OCIAD2: variants seen among roughly 807,000 people sequenced by gnomAD.
The protein encoded by OCIAD2 is OCIA domain containing 2, also known as OCIA domain-containing protein 2.
A neutral mutation model predicts 22.9 loss-of-function variants in OCIAD2; 29 were observed. The ratio of observed to expected loss-of-function variants is 1.27; its 90% CI spans 0.94 to 1.73. OCIAD2 has a LOEUF of 1.73. Among genes scored for constraint, OCIAD2 ranks in the 40% most tolerant of loss-of-function variants. OCIAD2 has a pLI of 0.00. For synonymous variants in OCIAD2, 67 were observed against 60.2 expected, an observed-to-expected ratio of 1.11 and a Z score of -0.52; for missense variants, 189 against 180.3, an observed-to-expected ratio of 1.05 and a Z score of -0.28.
intron 2 of OCIAD2, among the ~76,000 whole-genome samples, chr4:48,903,547 G>T (rs758168835): frequency 6.6e-6 from 1 of 151,404 alleles, no homozygotes; most frequent in Admixed American, 6.6e-5. Flanking sequence ...TAAGAGTTTT[G>T]CTCTGCTATC....
chr4:48,892,638 C>T (rs141859735), intron 6 of OCIAD2, 134 bp downstream of exon 6: 63 of 505,482 alleles, frequency 1.2e-4, no homozygotes, highest in African/African-American at 1.1e-3. Flanking sequence ...GTAACAACAA[C>T]GCTAAACTTG....
chr4:48,896,725 A>G (rs1781310035), intron 4 of OCIAD2, among the ~76,000 whole-genome samples: 1 of 152,114 alleles, frequency 6.6e-6, no homozygotes, highest in South Asian at 2.1e-4. Flanking sequence ...CTTGAGCCCA[A>G]CAGTTTGAGG....
chr4:48,887,167 T>G (rs1396280822), intron 6 of OCIAD2, among the ~76,000 whole-genome samples: 2 of 152,226 alleles, frequency 1.3e-5, no homozygotes, highest in African/African-American at 4.8e-5. Context: ...TCATATCCTT[T>G]GCCCACTTGT....
At chr4:48,904,126 A>G (rs939903824) in intron 2 of OCIAD2, among the ~76,000 whole-genome samples, 1 of 152,036 alleles carries the variant, frequency 6.6e-6, no homozygotes, top group Non-Finnish European at 1.5e-5. Flanking sequence ...ATCCTATGAT[A>G]TATATTTTTT....
chr4:48,890,068 G>A (rs1349612320), intron 6 of OCIAD2, among the ~76,000 whole-genome samples: 2 of 138,838 alleles, frequency 1.4e-5, no homozygotes, highest in African/African-American at 2.6e-5. Flanking sequence ...AGAACACTTG[G>A]ACACAGGAAG....
At chr4:48,903,319 T>C (rs1369248641) in intron 2 of OCIAD2, among the ~76,000 whole-genome samples, 1 of 152,110 alleles carries the variant, frequency 6.6e-6, no homozygotes, top group Non-Finnish European at 1.5e-5. Flanking sequence ...GTCAGCAGCA[T>C]AGGATTAGTG....
rs925929419 is a variant in OCIAD2, at chr4:48,894,785, C to T, written c.218-732G>A. On this transcript the variant is annotated intron_variant, in intron 4 of 6. Transcript: ENST00000508632. ...TAGAAAGTTTCCATTTGGAGATTCACAGTGTATATCATTATTTTACAATGC... is the reference window on the plus strand; with the variant it reads ...TAGAAAGTTTCCATTTGGAGATTCATAGTGTATATCATTATTTTACAATGC... Among the ~76,000 whole-genome samples, 4 of 152,176 alleles carry T rather than the reference C, an allele frequency of 2.6e-5. 1 individual carries two copies. Among genetic ancestry groups the T allele is most frequent in the Admixed American group, 1.3e-4 (2 of 15,278 alleles).
At chr4:48,887,120 T>C (rs1781011566) in intron 6 of OCIAD2, among the ~76,000 whole-genome samples, 1 of 152,260 alleles carries the variant, frequency 6.6e-6, no homozygotes, top group South Asian at 2.1e-4. Flanking sequence ...CATGTGTCTT[T>C]TGGCTGCATA....
intron 6 of OCIAD2, among the ~76,000 whole-genome samples, chr4:48,887,185 G>A (rs1182454453): frequency 6.6e-6 from 1 of 151,966 alleles, no homozygotes; most frequent in East Asian, 1.9e-4. Context: ...TGTTGATGGG[G>A]TTGTTTTTTT....
intron 2 of OCIAD2, among the ~76,000 whole-genome samples, chr4:48,903,183 G>A (rs1290798869): frequency 1.3e-5 from 2 of 152,124 alleles, no homozygotes; most frequent in Admixed American, 1.3e-4. Context: ...CTTCATTGAT[G>A]TATTCCTGAA....
intron 6 of OCIAD2, among the ~76,000 whole-genome samples, chr4:48,887,721 T>C (rs547685590): frequency 6.6e-6 from 1 of 152,354 alleles, no homozygotes; most frequent in African/African-American, 2.4e-5. Flanking sequence ...CCCAGTACCA[T>C]GCTGTTTTGG....
At chr4:48,902,195 G>A (rs568636884) in intron 2 of OCIAD2, among the ~76,000 whole-genome samples, 2 of 152,222 alleles carry the variant, frequency 1.3e-5, no homozygotes, top group South Asian at 4.1e-4. Flanking sequence ...TTTTCTGGTT[G>A]AGGTGCAGCT....
Position 48,885,430 on chromosome 4 carries a change from A to T in OCIAD2, c.*54T>A. 1.1e-6 allele frequency: 1 copy of T among 914,220 alleles called. No individual in the cohort carries two copies. Among genetic ancestry groups the T allele is most frequent in the Non-Finnish European group, 1.8e-6 (1 of 554,802 alleles). The allele number at this position is 914,220 out of a possible 1,614,324, so 56.6% of individuals were successfully genotyped here. A position where few individuals can be genotyped will look rare whatever the true frequency, so the allele number is the denominator to read the frequency against. On this transcript the variant is annotated 3_prime_UTR_variant, in exon 7 of 7. Coordinates refer to ENST00000508632, the MANE Select transcript of OCIAD2 (RefSeq NM_001014446.3). ...TATTTTAAAGTACACTTGAAATTTT[A>T]AATGTGTACAAATTCAGAGGTTTAA...
At chr4:48,894,098 T>G in intron 4 of OCIAD2, 45 bp from the exon 5 acceptor site, 1 of 1,001,272 alleles carries the variant, frequency 1.0e-6, no homozygotes, top group Non-Finnish European at 1.4e-6. Context: ...TTTCATAAAT[T>G]AAATTATAAG....
chr4:48,887,588 G>C (rs372309535), intron 6 of OCIAD2, among the ~76,000 whole-genome samples: 1 of 152,044 alleles, frequency 6.6e-6, no homozygotes, highest in Non-Finnish European at 1.5e-5. Context: ...CATTTATTAA[G>C]TAGGGAATCC....
intron 5 of OCIAD2, chr4:48,893,158 G>A (rs970107480): frequency 1.8e-5 from 4 of 226,760 alleles, no homozygotes; most frequent in Admixed American, 1.7e-4. Flanking sequence ...GGGCCCACCT[G>A]TCAAGCAAAC....
chr4:48,900,142 T>A (rs1196804396), intron 2 of OCIAD2, among the ~76,000 whole-genome samples: 1 of 147,894 alleles, frequency 6.8e-6, no homozygotes, highest in Non-Finnish European at 1.5e-5. Flanking sequence ...AGAGTGGGAG[T>A]GATTCACTGA....
intron 2 of OCIAD2, among the ~76,000 whole-genome samples, chr4:48,903,303 A>G (rs551156535): frequency 1.3e-5 from 2 of 152,300 alleles, no homozygotes; most frequent in South Asian, 4.1e-4. Context: ...CTGAACAGGA[A>G]CACCTGTCAG....
Position 48,885,449 on chromosome 4 carries a change from G to T in OCIAD2, c.*35C>A. 1 of 1,122,732 alleles carries T rather than the reference G, an allele frequency of 8.9e-7. No individual in the cohort carries two copies. The highest frequency in any genetic ancestry group is 1.4e-6 in the Non-Finnish European group (1 of 738,284). 69.5% of individuals were successfully genotyped at this position (1,122,732 alleles called of 1,614,324 possible). ...AATTTTAAATGTGTACAAATTCAGA[G>T]GTTTAAAAAACTTCGAAAGTCACAG... On this transcript the variant is annotated 3_prime_UTR_variant, in exon 7 of 7. Transcript: ENST00000508632.
Sources: gnomAD v4.1 joint callset for allele counts (sites outside exome capture counted in the v4.1 genomes callset) on GRCh38, gnomAD v4.1.1 for gene constraint, MANE v1.5 for transcripts, NCBI Gene and HGNC (gene_info 2026-07-23, HGNC 2026-07-21) for gene names.